The following AKR1B15 variants were observed in gnomAD, a reference collection of about 807,000 sequenced individuals.
AKR1B15 encodes estradiol 17-beta-dehydrogenase AKR1B15.
AKR1B15 carries 49 observed loss-of-function variants against 38.5 expected under a neutral mutation model. That is an observed-to-expected ratio of 1.27 (90% confidence interval 1.01 to 1.62). The LOEUF is 1.62. AKR1B15 is among the 40% of genes most tolerant of loss of function. The pLI, the probability that AKR1B15 is intolerant of heterozygous loss-of-function variation, is 0.00. For synonymous variants in AKR1B15, 137 were observed against 135.5 expected (o/e 1.01, Z -0.08); for missense variants, 411 against 381.6 (o/e 1.08, Z -0.64).
chr7:134,579,690 T>G lies in AKR1B15; in HGVS notation c.*141T>G. The G allele has an allele frequency of 1.5e-6, 1 of 658,928 alleles. No homozygotes were observed. Among genetic ancestry groups the G allele is most frequent in the Non-Finnish European group, 2.5e-6 (1 of 402,042 alleles). The allele number at this position is 658,928 out of a possible 1,614,324, so 40.8% of individuals were successfully genotyped here. ...CTGTTGTAGACCAGAATGGAGGTGC[T>G]GTTTTAGACATGTATTTCTGTATGT... On this transcript the variant is annotated 3_prime_UTR_variant, in exon 12 of 12. Coordinates refer to ENST00000457545, the MANE Select transcript of AKR1B15 (RefSeq NM_001080538.3).
chr7:134,571,944 C>G (rs181803805), intron 6 of AKR1B15, among the ~76,000 whole-genome samples: 26 of 152,292 alleles, frequency 1.7e-4, no homozygotes, highest in Middle Eastern at 3.4e-3. Context: ...TGTTCTCAAA[C>G]CAGGGTGAGG....
In AKR1B15 at chr7:134,553,633, C is replaced by T. The variant is rs141291815; in HGVS notation, c.-146-3103C>T. 4.6e-5 allele frequency among the ~76,000 whole-genome samples: 7 copies of T among 152,304 alleles called. No individual in the cohort carries two copies. In the South Asian group the frequency reaches 1.0e-3, roughly 23 times the overall value. On this transcript the variant is annotated intron_variant, in intron 1 of 11. Transcript: ENST00000457545. ...CAAAGTGCTTCTGGCAAATGGATGT[C>T]GAATGCTCGCATCTTGCGGTATCAG...
chr7:134,565,712 C>G (rs1478735692), intron 3 of AKR1B15, among the ~76,000 whole-genome samples: 1 of 152,170 alleles, frequency 6.6e-6, no homozygotes, highest in Non-Finnish European at 1.5e-5. Context: ...AAAGCTGATT[C>G]AAGCTGCAAT....
At chr7:134,578,938 G>T (rs1275149165) in intron 11 of AKR1B15, among the ~76,000 whole-genome samples, 1 of 152,194 alleles carries the variant, frequency 6.6e-6, no homozygotes, top group Non-Finnish European at 1.5e-5. Flanking sequence ...GTAGGCAATG[G>T]GTTGGTGGAC....
intron 3 of AKR1B15, among the ~76,000 whole-genome samples, chr7:134,567,661 G>T (rs1045669959): frequency 6.6e-6 from 1 of 152,134 alleles, no homozygotes; most frequent in African/African-American, 2.4e-5. Context: ...CCATTATCCA[G>T]ATCCTTATCA....
chr7:134,575,974 A>C, intron 8 of AKR1B15, 47 bp downstream of exon 8: 3 of 1,593,958 alleles, frequency 1.9e-6, no homozygotes, highest in Non-Finnish European at 2.6e-6. Context: ...TCTTAAAAAC[A>C]TTATTTTATA....
intron 9 of AKR1B15, among the ~76,000 whole-genome samples, 180 bp downstream of exon 9, chr7:134,576,610 C>A (rs1794773199): frequency 6.6e-6 from 1 of 152,012 alleles, no homozygotes; most frequent in Non-Finnish European, 1.5e-5. Context: ...GTCACTGAAG[C>A]AAAGATAGCT....
intron 2 of AKR1B15, among the ~76,000 whole-genome samples, chr7:134,559,658 T>C (rs28685744): frequency 0.02 from 3,102 of 152,308 alleles, 115 homozygotes; most frequent in African/African-American, 0.071. Context: ...TTGTATGTAT[T>C]TAATTTTAAC....
intron 3 of AKR1B15, 32 bp from the exon 4 acceptor site, chr7:134,568,126 C>G: frequency 6.2e-7 from 1 of 1,612,508 alleles, no homozygotes. Context: ...AAAAAAAATA[C>G]ATGTGTGATG....
At chr7:134,567,868 C>T (rs1562949035) in intron 3 of AKR1B15, among the ~76,000 whole-genome samples, 2 of 152,192 alleles carry the variant, frequency 1.3e-5, no homozygotes, top group Non-Finnish European at 2.9e-5. Flanking sequence ...AATTCACTTT[C>T]CTTCCTTTCT....
chr7:134,561,256 C>T (rs953761193), intron 2 of AKR1B15, among the ~76,000 whole-genome samples: 1 of 152,188 alleles, frequency 6.6e-6, no homozygotes, highest in East Asian at 1.9e-4. Context: ...ATCTGTCACC[C>T]AGGCTGGATT....
At chr7:134,568,846 A>G (rs1266381150) in intron 4 of AKR1B15, among the ~76,000 whole-genome samples, 1 of 137,528 alleles carries the variant, frequency 7.3e-6, no homozygotes, top group Non-Finnish European at 1.5e-5. Flanking sequence ...CACTGGATCT[A>G]TATTATATGC....
intron 3 of AKR1B15, chr7:134,565,545 G>T: frequency 6.2e-7 from 1 of 1,613,784 alleles, no homozygotes; most frequent in African/African-American, 1.3e-5. Flanking sequence ...GGCACTTGGA[G>T]GGTAAATATG....
At chr7:134,558,775 TC>T (rs1333128457) in intron 2 of AKR1B15, among the ~76,000 whole-genome samples, 1 of 152,184 alleles carries the variant, frequency 6.6e-6, no homozygotes, top group Non-Finnish European at 1.5e-5. Context: ...GATCATTTCC[TC>T]AAAAATTATA....
intron 2 of AKR1B15, 74 bp from the exon 3 acceptor site, chr7:134,564,524 A>T (rs1252313266): frequency 7.0e-6 from 4 of 569,470 alleles, no homozygotes; most frequent in African/African-American, 5.7e-5. Context: ...TCTAGGTCCC[A>T]TGAAAGCCAT....
chr7:134,554,536 G>A (rs1017199098), intron 1 of AKR1B15, among the ~76,000 whole-genome samples: 4 of 152,122 alleles, frequency 2.6e-5, no homozygotes, highest in Non-Finnish European at 5.9e-5. Context: ...CCCACCTTCA[G>A]GACTTAACTA....
chr7:134,549,862 C>T (rs1793906242), intron 1 of AKR1B15, among the ~76,000 whole-genome samples: 1 of 152,170 alleles, frequency 6.6e-6, no homozygotes, highest in Non-Finnish European at 1.5e-5. Context: ...TGGGCAAGGA[C>T]TTCTTCAAGG....
intron 2 of AKR1B15, among the ~76,000 whole-genome samples, chr7:134,562,346 G>A (rs190732366): frequency 6.6e-5 from 10 of 152,254 alleles, no homozygotes; most frequent in Admixed American, 4.6e-4. Flanking sequence ...GTTGCTGCTG[G>A]GGGCTGGGGT....
intron 2 of AKR1B15, among the ~76,000 whole-genome samples, chr7:134,558,018 T>C (rs1355520777): frequency 6.6e-6 from 1 of 152,148 alleles, no homozygotes; most frequent in African/African-American, 2.4e-5. Flanking sequence ...AAAATGCGGA[T>C]AGGAAATGGA....
Sources: gnomAD v4.1 joint callset for allele counts (sites outside exome capture counted in the v4.1 genomes callset) on GRCh38, gnomAD v4.1.1 for gene constraint, MANE v1.5 for transcripts, NCBI Gene and HGNC (gene_info 2026-07-23, HGNC 2026-07-21) for gene names.